Variants in HEATR5B observed in about 807,000 individuals in gnomAD.
HEATR5B encodes HEAT repeat containing 5B, also known as HEAT repeat-containing protein 5B.
HEATR5B carries 156 observed loss-of-function variants against 224.1 expected under a neutral mutation model. The ratio of observed to expected loss-of-function variants is 0.70; its 90% CI spans 0.61 to 0.80. HEATR5B has a LOEUF of 0.80. HEATR5B is among the 30% of genes least tolerant of loss of function. HEATR5B has a pLI of 0.00. For synonymous variants in HEATR5B, 1,027 were observed against 893.0 expected (o/e 1.15, Z -2.68); for missense variants, 2,323 against 2,535.5 (o/e 0.92, Z 1.80).
chr2:37,052,439 A>G (rs2148531670), intron 17 of HEATR5B, among the ~76,000 whole-genome samples: 1 of 152,320 alleles, frequency 6.6e-6, no homozygotes, highest in South Asian at 2.1e-4. Flanking sequence ...TACCATGGCC[A>G]TGATTTTTGT....
intron 24 of HEATR5B, among the ~76,000 whole-genome samples, chr2:37,021,513 A>G (rs1285260623): frequency 2.0e-5 from 3 of 152,174 alleles, no homozygotes; most frequent in Non-Finnish European, 2.9e-5. Flanking sequence ...ACAAGATGAG[A>G]AATCATCCCT....
At chr2:37,016,744 A>G (rs1036048057) in intron 26 of HEATR5B, among the ~76,000 whole-genome samples, 3 of 152,216 alleles carry the variant, frequency 2.0e-5, no homozygotes, top group Non-Finnish European at 4.4e-5. Flanking sequence ...AATGGACTTG[A>G]GTTCCTATAT....
chr2:36,986,027 C>T (rs996651670), intron 35 of HEATR5B, among the ~76,000 whole-genome samples: 8 of 151,940 alleles, frequency 5.3e-5, no homozygotes, highest in African/African-American at 1.9e-4. Context: ...AAATTTAACT[C>T]CAAATTAGGG....
chr2:37,030,034 G>C (rs1488068152), intron 22 of HEATR5B, among the ~76,000 whole-genome samples: 1 of 152,072 alleles, frequency 6.6e-6, no homozygotes, highest in Non-Finnish European at 1.5e-5. Context: ...TGAAATAGTG[G>C]TTAAATTTCT....
intron 7 of HEATR5B, 50 bp from the exon 8 acceptor site, chr2:37,068,980 G>T (rs1173069380): frequency 1.9e-6 from 3 of 1,546,128 alleles, no homozygotes; most frequent in Middle Eastern, 3.5e-4. Flanking sequence ...TAACTGAACA[G>T]AAATCAAAGA....
At chr2:36,985,302 T>A (rs1396725307) in intron 35 of HEATR5B, among the ~76,000 whole-genome samples, 1 of 152,204 alleles carries the variant, frequency 6.6e-6, no homozygotes, top group Non-Finnish European at 1.5e-5. Flanking sequence ...TTTGGTTTTT[T>A]ATGGCATTTA....
At chr2:37,055,270 A>G (rs2148541276) in intron 16 of HEATR5B, among the ~76,000 whole-genome samples, 1 of 151,772 alleles carries the variant, frequency 6.6e-6, no homozygotes, top group East Asian at 1.9e-4. Flanking sequence ...CTACTGTTGA[A>G]TATTTATGTT....
chr2:37,084,341 C>A lies in HEATR5B; in HGVS notation c.-95G>T, dbSNP rs1672841669. The A allele has an allele frequency of 6.9e-6, 3 of 433,366 alleles. No homozygotes were observed. The highest frequency in any genetic ancestry group is 6.1e-5 in the African/African-American group (3 of 49,270). The allele number at this position is 433,366 out of a possible 1,614,324, so 26.8% of individuals were successfully genotyped here. ...GCCACCAAGAGACCCGGATGCCCCACCTCCCGCACTCCTACCTGCAGGAAA... is the reference window on the plus strand; with the variant it reads ...GCCACCAAGAGACCCGGATGCCCCAACTCCCGCACTCCTACCTGCAGGAAA... On this transcript the variant is annotated 5_prime_UTR_variant, in exon 1 of 36. Coordinates refer to ENST00000233099, the MANE Select transcript of HEATR5B (RefSeq NM_019024.3).
intron 30 of HEATR5B, among the ~76,000 whole-genome samples, 163 bp from the exon 31 acceptor site, chr2:37,003,849 A>C (rs1430555010): frequency 6.6e-6 from 1 of 152,222 alleles, no homozygotes; most frequent in Non-Finnish European, 1.5e-5. Context: ...AATCTTGAGA[A>C]ATGGTCACAT....
At chr2:36,984,460 T>C (rs1665815156) in intron 35 of HEATR5B, among the ~76,000 whole-genome samples, 1 of 151,832 alleles carries the variant, frequency 6.6e-6, no homozygotes, top group South Asian at 2.1e-4. Context: ...GAGGAATACT[T>C]TGGGATTTTA....
rs1672839284 is a variant in HEATR5B at position 37,084,311 on chromosome 2, A to G, written c.-65T>C. ...AAGATCAGCTGAGCTCCGGGGGTAGAAGCAGCCACCAAGAGACCCGGATGC... is the reference window on the plus strand; with the variant it reads ...AAGATCAGCTGAGCTCCGGGGGTAGGAGCAGCCACCAAGAGACCCGGATGC... On this transcript the variant is annotated 5_prime_UTR_variant, in exon 1 of 36. Coordinates refer to ENST00000233099, the MANE Select transcript of HEATR5B (RefSeq NM_019024.3). 2.5e-6 allele frequency: 1 copy of G among 399,744 alleles called. No individual in the cohort carries two copies. Among genetic ancestry groups the G allele is most frequent in the Non-Finnish European group, 4.4e-6 (1 of 228,184 alleles). 24.8% of individuals were successfully genotyped at this position (399,744 alleles called of 1,614,324 possible).
intron 19 of HEATR5B, 139 bp from the exon 20 acceptor site, chr2:37,040,657 T>A (rs899935375): frequency 1.7e-6 from 1 of 601,286 alleles, no homozygotes; most frequent in Admixed American, 3.6e-5. Flanking sequence ...GATTGTAGGA[T>A]GTTTTCATAC....
At position 37,008,382 on chromosome 2, in the gene HEATR5B, T is replaced by C. The variant is rs10169667; in HGVS notation, c.4522+229A>G. Reference sequence around the variant, plus strand: ...AATACCCTAGCTCATACAGCTATTATTGTAACAGTGCTTGCTAATATGTTT... The same window carrying C: ...AATACCCTAGCTCATACAGCTATTACTGTAACAGTGCTTGCTAATATGTTT... On this transcript the variant is annotated intron_variant, in intron 28 of 35. Coordinates refer to ENST00000233099, the MANE Select transcript of HEATR5B (RefSeq NM_019024.3). 820 of 568,880 alleles carry C rather than the reference T, an allele frequency of 1.4e-3. 9 individuals carry two copies. The highest frequency in any genetic ancestry group is 0.014 in the African/African-American group (761 of 53,440). 35.2% of individuals were successfully genotyped at this position (568,880 alleles called of 1,614,324 possible). A position where few individuals can be genotyped will look rare whatever the true frequency, so the allele number is the denominator to read the frequency against.
At chr2:37,069,804 C>T (rs529220792) in intron 7 of HEATR5B, among the ~76,000 whole-genome samples, 10 of 152,058 alleles carry the variant, frequency 6.6e-5, no homozygotes, top group African/African-American at 1.9e-4. Context: ...GTAAAAGAAA[C>T]ATTTCGAAAG....
At chr2:37,032,883 T>TC in intron 21 of HEATR5B, 110 bp from the exon 22 acceptor site, 2 of 953,200 alleles carry the variant, frequency 2.1e-6, no homozygotes, top group Non-Finnish European at 2.9e-6. Flanking sequence ...TGTTTTGTTT[T>TC]GTTTTTTTTT....
chr2:37,032,668 G>C lies in HEATR5B; in HGVS notation c.3322C>G (p.Leu1108Val), dbSNP rs751880322. 6.2e-7 allele frequency: 1 copy of C among 1,613,360 alleles called. No individual in the cohort carries two copies. Among genetic ancestry groups the C allele is most frequent in the Non-Finnish European group, 8.5e-7 (1 of 1,179,788 alleles). The part of the protein sequence containing the change: ...AAEVCEYAMS[L>V]AKNTGDKESS... ...TCTTTGTCCCCTGTATTTTTTGCCA[G>C]GCTCATGGCATATTCACATACTTCC... The change falls in exon 22 of 36, where the codon CTG becomes GTG. Residue 1108 changes from leucine (L) to valine (V), a missense_variant. Leu to Val is a conservative substitution (Grantham distance 32, BLOSUM62 1). Coordinates refer to ENST00000233099, the MANE Select transcript of HEATR5B (RefSeq NM_019024.3).
Position 37,037,889 on chromosome 2 carries a change from TGTC to T in HEATR5B, c.3179_3181del (p.Arg1060del), listed in dbSNP as rs1669602361. The T allele has an allele frequency of 1.3e-6, 2 of 1,594,314 alleles. No homozygotes were observed. The highest frequency in any genetic ancestry group is 1.7e-6 in the Non-Finnish European group (2 of 1,168,374). On this transcript the variant is annotated inframe_deletion, in exon 21 of 36. Transcript: ENST00000233099. ...AGGAACAAGGCTAGATAGATTGACA[TGTC>T]GTGGTGCAAACATGTGAAGCTGCTG...
At chr2:37,011,111 C>G (rs1667758668) in intron 27 of HEATR5B, among the ~76,000 whole-genome samples, 1 of 152,184 alleles carries the variant, frequency 6.6e-6, no homozygotes, top group Admixed American at 6.5e-5. Context: ...TGTCTGGTAC[C>G]TAATGAACAC....
At chr2:37,058,638 T>G in intron 13 of HEATR5B, 78 bp from the exon 14 acceptor site, 2 of 953,002 alleles carry the variant, frequency 2.1e-6, no homozygotes, top group South Asian at 2.8e-5. Context: ...AATGTATCAA[T>G]GTACTGCCAA....
Sources: allele counts gnomAD v4.1 joint callset (sites outside exome capture counted in the v4.1 genomes callset), GRCh38; gene constraint gnomAD v4.1.1; transcripts MANE v1.5; gene names NCBI Gene and HGNC (gene_info 2026-07-23, HGNC 2026-07-21).